MAP3K5: variants seen among roughly 807,000 people sequenced by gnomAD.
MAP3K5 encodes mitogen-activated protein kinase kinase kinase 5, also known as ASK-1.
Under a neutral mutation model 158.7 loss-of-function variants are expected in MAP3K5, and 56 were observed. The observed-to-expected ratio is 0.35, with a 90% CI of 0.28 to 0.44. The LOEUF is 0.44. Ranked by LOEUF, MAP3K5 falls within the 20% of genes least tolerant of loss-of-function variation. The probability of loss-of-function intolerance (pLI) is 1.00; values close to 1 mark genes in which losing one functional copy is unlikely to be tolerated. For synonymous variants in MAP3K5, 579 were observed against 601.7 expected (o/e 0.96, Z 0.55); for missense variants, 1,294 against 1,674.8 (o/e 0.77, Z 3.97).
At chr6:136,580,496 A>G in intron 24 of MAP3K5, 90 bp from the exon 25 acceptor site, 1 of 711,520 alleles carries the variant, frequency 1.4e-6, no homozygotes, top group Non-Finnish European at 2.4e-6. Context: ...CCATTTACAA[A>G]ACAACTAAAA....
At chr6:136,660,147 C>T (rs1042051218) in intron 8 of MAP3K5, among the ~76,000 whole-genome samples, 5 of 152,042 alleles carry the variant, frequency 3.3e-5, no homozygotes, top group Non-Finnish European at 2.9e-5. Context: ...ACCTTTTTTA[C>T]GCTGAAATTC....
intron 10 of MAP3K5, among the ~76,000 whole-genome samples, chr6:136,651,424 T>C (rs1778515341): frequency 6.6e-6 from 1 of 152,244 alleles, no homozygotes; most frequent in African/African-American, 2.4e-5. Context: ...TATCATGTAC[T>C]ACATAAGCTA....
intron 1 of MAP3K5, among the ~76,000 whole-genome samples, chr6:136,785,122 A>C (rs2115054844): frequency 6.6e-6 from 1 of 152,288 alleles, no homozygotes; most frequent in South Asian, 2.1e-4. Context: ...GGGCTGGACA[A>C]TTTTCAAGAA....
At chr6:136,710,498 A>T (rs1781263074) in intron 2 of MAP3K5, among the ~76,000 whole-genome samples, 1 of 152,208 alleles carries the variant, frequency 6.6e-6, no homozygotes, top group African/African-American at 2.4e-5. Flanking sequence ...GACTAAAAAA[A>T]AAAATCTAGT....
chr6:136,559,005 A>G (rs1830378782), intron 28 of MAP3K5, 129 bp from the exon 29 acceptor site: 1 of 606,732 alleles, frequency 1.6e-6, no homozygotes, highest in Admixed American at 3.0e-5. Context: ...TAAAAACACA[A>G]TCTTCCAGGA....
intron 1 of MAP3K5, among the ~76,000 whole-genome samples, chr6:136,739,074 G>A (rs982473583): frequency 2.6e-5 from 4 of 152,114 alleles, no homozygotes; most frequent in African/African-American, 9.7e-5. Flanking sequence ...GTGTGTTGAC[G>A]ACATGACACA....
chr6:136,661,150 T>C (rs1403651169), intron 8 of MAP3K5, among the ~76,000 whole-genome samples: 2 of 152,128 alleles, frequency 1.3e-5, no homozygotes, highest in African/African-American at 4.8e-5. Flanking sequence ...TTGATGAGAG[T>C]CATGATTTTA....
Position 136,716,027 on chromosome 6 carries a change from C to CAAAAAAAAAAAAAAAAAAAAAAAAAA in MAP3K5, c.588+4397_588+4422dup, listed in dbSNP as rs60678515. Among the ~76,000 whole-genome samples, 14 of 23,034 alleles carry CAAAAAAAAAAAAAAAAAAAAAAAAAA rather than the reference C, an allele frequency of 6.1e-4. 6 individuals carry two copies. The highest frequency in any genetic ancestry group is 2.0e-3 in the Admixed American group (2 of 990). 15.1% of individuals were successfully genotyped at this position (23,034 alleles called of 152,430 possible). On this transcript the variant is annotated intron_variant, in intron 2 of 29. Transcript: ENST00000359015. ...CCCGGGTGACAAAGCAAGATCGTCT[C>CAAAAAAAAAAAAAAAAAAAAAAAAAA]AAAAAAAAAAAAAAAAAAAAAAAAA... is the stretch of plus-strand genomic sequence containing the variant.
rs200595565 is a variant in MAP3K5, at chr6:136,592,546, C to A, written c.2947G>T (p.Gly983Cys). Residue 983 changes from glycine to cysteine, a missense_variant, in exon 22 of 30, where the codon GGC (glycine) becomes TGC (cysteine). Around this residue, in one of 5 missense-constraint regions of MAP3K5, gnomAD observed 362 missense variants for 463.2 expected, o/e 0.78. Coordinates refer to ENST00000359015, the MANE Select transcript of MAP3K5 (RefSeq NM_005923.4). ...AACTCCGTGTCGGGTGAAACTGAGC[C>A]GTACTCACTGCTGCTGCTGGTGTCC... ...VEDTSSSSEY[G>C]SVSPDTELKV... 1 of 1,613,802 alleles carries A rather than the reference C, an allele frequency of 6.2e-7. No homozygotes were observed. The highest frequency in any genetic ancestry group is 8.5e-7 in the Non-Finnish European group (1 of 1,179,972).
At chr6:136,729,958 A>G (rs761795383) in intron 1 of MAP3K5, among the ~76,000 whole-genome samples, 1 of 152,154 alleles carries the variant, frequency 6.6e-6, no homozygotes, top group South Asian at 2.1e-4. Flanking sequence ...TTAACATAGT[A>G]AAGGACACAA....
chr6:136,636,563 A>G (rs1034060155), intron 14 of MAP3K5, among the ~76,000 whole-genome samples: 6 of 152,258 alleles, frequency 3.9e-5, no homozygotes, highest in Admixed American at 3.9e-4. Context: ...AGCATTGTTG[A>G]CACACTCCAG....
In MAP3K5 at chr6:136,567,653, T is replaced by G. The variant is rs1436763359; in HGVS notation, c.3739A>C (p.Arg1247=). 2 of 1,614,176 alleles carry G rather than the reference T, an allele frequency of 1.2e-6. No homozygotes were observed. The highest frequency in any genetic ancestry group is 1.7e-6 in the Non-Finnish European group (2 of 1,180,002). The change falls in exon 26 of 30, where the codon AGG becomes CGG. Residue 1247 remains arginine, a synonymous_variant. Coordinates refer to ENST00000359015, the MANE Select transcript of MAP3K5 (RefSeq NM_005923.4). The part of the protein sequence containing the change: ...AHRSLNVQLG[R]MKIETNRLLE... ...TACCTATTGGTTTCTATTTTCATCC[T>G]TCCAAGCTGTACATTCAGTGACCGG...
In MAP3K5 at chr6:136,737,037, G is replaced by GTATATATATATA. The variant is rs56011325; in HGVS notation, c.449-16460_449-16449dup. ...TAATTTTACATATATATATGTGTGTGTATATATATATATATATATAAACTT... is the reference window on the plus strand; with the variant it reads ...TAATTTTACATATATATATGTGTGTGTATATATATATATATATATATATATATATATAAACTT... On this transcript the variant is annotated intron_variant, in intron 1 of 29. Coordinates refer to ENST00000359015, the MANE Select transcript of MAP3K5 (RefSeq NM_005923.4). 1.2e-3 allele frequency among the ~76,000 whole-genome samples: 151 copies of GTATATATATATA among 126,958 alleles called. 2 individuals carry two copies. Among genetic ancestry groups the GTATATATATATA allele is most frequent in the African/African-American group, 4.5e-3 (118 of 26,448 alleles). 83.3% of individuals were successfully genotyped at this position (126,958 alleles called of 152,430 possible).
chr6:136,733,941 C>T (rs980556394), intron 1 of MAP3K5, among the ~76,000 whole-genome samples: 35 of 152,028 alleles, frequency 2.3e-4, no homozygotes, highest in African/African-American at 8.2e-4. Flanking sequence ...GACCATAACA[C>T]CCTAAAAATC....
At chr6:136,769,866 G>T (rs1363532998) in intron 1 of MAP3K5, among the ~76,000 whole-genome samples, 1 of 112,724 alleles carries the variant, frequency 8.9e-6, no homozygotes, top group African/African-American at 3.4e-5. Context: ...GGAAGGGGAA[G>T]TGGAAGTGGA....
chr6:136,760,995 C>T (rs1328956108), intron 1 of MAP3K5, among the ~76,000 whole-genome samples: 1 of 151,944 alleles, frequency 6.6e-6, no homozygotes, highest in Admixed American at 6.6e-5. Context: ...AAACAAAAAA[C>T]CAGAGAGAAG....
intron 10 of MAP3K5, among the ~76,000 whole-genome samples, chr6:136,652,685 A>C (rs1337943343): frequency 2.6e-5 from 4 of 152,236 alleles, no homozygotes; most frequent in Admixed American, 2.0e-4. Context: ...AGAAGAAAAG[A>C]AAAGCACTAA....
intron 3 of MAP3K5, among the ~76,000 whole-genome samples, chr6:136,704,639 G>A (rs1301806483): frequency 3.3e-5 from 5 of 152,028 alleles, no homozygotes; most frequent in Admixed American, 3.3e-4. Context: ...TCCGCCTCCC[G>A]GGTTCAAGCG....
chr6:136,593,909 T>C (rs576594222), intron 21 of MAP3K5, among the ~76,000 whole-genome samples: 2 of 152,230 alleles, frequency 1.3e-5, no homozygotes, highest in Non-Finnish European at 2.9e-5. Context: ...ATCTCAAGGA[T>C]AGGGGACTCA....
Sources: gnomAD v4.1 joint callset for allele counts (sites outside exome capture counted in the v4.1 genomes callset) on GRCh38, gnomAD v4.1.1 for gene constraint, gnomAD v4.1.1 regional missense constraint, MANE v1.5 for transcripts, NCBI Gene and HGNC (gene_info 2026-07-23, HGNC 2026-07-21) for gene names.